Variants in TAOK1 observed in about 807,000 individuals in gnomAD.
The protein encoded by TAOK1 is TAO kinase 1, also known as serine/threonine-protein kinase TAO1.
In TAOK1, 21 loss-of-function variants were observed where a neutral mutation model predicts 138.3. That is an observed-to-expected ratio of 0.15 (90% CI 0.11 to 0.22). The LOEUF (loss-of-function observed/expected upper bound fraction) is 0.22. Ranked by LOEUF, TAOK1 falls within the 10% of genes least tolerant of loss-of-function variation. The probability of loss-of-function intolerance (pLI) is 1.00; values close to 1 mark genes in which losing one functional copy is unlikely to be tolerated. For synonymous variants in TAOK1, 361 were observed against 398.4 expected, an observed-to-expected ratio of 0.91 and a Z score of 1.12; for missense variants, 651 against 1,227.7, an observed-to-expected ratio of 0.53 and a Z score of 7.02.
At chr17:29,434,389 A>G (rs1256786911) in intron 1 of TAOK1, among the ~76,000 whole-genome samples, 1 of 152,164 alleles carries the variant, frequency 6.6e-6, no homozygotes, top group Non-Finnish European at 1.5e-5. Flanking sequence ...TGAAAGGGGT[A>G]CAGATTGAAG....
intron 16 of TAOK1, among the ~76,000 whole-genome samples, chr17:29,521,262 T>C: frequency 6.6e-6 from 1 of 152,174 alleles, no homozygotes; most frequent in East Asian, 1.9e-4. Context: ...AGTTTGACTT[T>C]TACATTATAT....
rs1009166097 is a variant in TAOK1 at position 29,548,316 on chromosome 17, C to A, written c.*5294C>A. The stretch of plus-strand genomic sequence containing the variant: ...AGATATCCTTTAAAGAAAATAAAGG[C>A]AGAGAATTAAAACTGGGGAGCCATT... On this transcript the variant is annotated 3_prime_UTR_variant, in exon 20 of 20. Coordinates refer to ENST00000261716, the MANE Select transcript of TAOK1 (RefSeq NM_020791.4). 1 of 152,070 alleles carries A rather than the reference C, an allele frequency of 6.6e-6. No homozygotes were observed. Among genetic ancestry groups the A allele is most frequent in the African/African-American group, 2.4e-5 (1 of 41,434 alleles). 9.4% of individuals were successfully genotyped at this position (152,070 alleles called of 1,614,324 possible).
intron 13 of TAOK1, among the ~76,000 whole-genome samples, chr17:29,507,256 T>C: frequency 6.6e-6 from 1 of 151,856 alleles, no homozygotes; most frequent in East Asian, 1.9e-4. Flanking sequence ...GATTTTTAAA[T>C]TGAGGTTTTT....
rs533803281 is a variant in TAOK1 at position 29,479,198 on chromosome 17, G to C, written c.449+851G>C. On this transcript the variant is annotated intron_variant, in intron 6 of 19. Transcript: ENST00000261716. ...AAGACTCCTTATGCTTTTGAGCTGTGGTCCTTGATAATCCTTGATAATGGA... is the reference window on the plus strand; with the variant it reads ...AAGACTCCTTATGCTTTTGAGCTGTCGTCCTTGATAATCCTTGATAATGGA... 3.3e-5 allele frequency among the ~76,000 whole-genome samples: 5 copies of C among 151,764 alleles called. No homozygotes were observed. The South Asian group carries it at 6.2e-4, about 19-fold the overall frequency.
chr17:29,496,633 T>G (rs1228472189), intron 11 of TAOK1, among the ~76,000 whole-genome samples: 27 of 143,900 alleles, frequency 1.9e-4, no homozygotes, highest in South Asian at 1.4e-3. Context: ...TGTAGCCCAG[T>G]TTGGAGTACA....
chr17:29,397,459 C>T (rs528752313), intron 1 of TAOK1, among the ~76,000 whole-genome samples: 73 of 151,046 alleles, frequency 4.8e-4, no homozygotes, highest in Non-Finnish European at 7.8e-4. Context: ...AAAAATTAGC[C>T]GGGCATGGTG....
At position 29,475,407 on chromosome 17, in the gene TAOK1, GT is replaced by G. The variant is rs1268310723; in HGVS notation, c.205-262del. ...ATAGAAAAATTAGATGAGCATGGTG[GT>G]GTGCGCCTGTAGACCCAAATACTTG... On this transcript the variant is annotated intron_variant, in intron 3 of 19. Transcript: ENST00000261716. Among the ~76,000 whole-genome samples, 7 of 152,220 alleles carry G rather than the reference GT, an allele frequency of 4.6e-5. No individual in the cohort carries two copies. The East Asian group carries it at 1.4e-3, about 29-fold the overall frequency.
intron 1 of TAOK1, among the ~76,000 whole-genome samples, chr17:29,410,932 G>A (rs1456992591): frequency 6.6e-6 from 1 of 151,850 alleles, no homozygotes; most frequent in Non-Finnish European, 1.5e-5. Flanking sequence ...ACTGCACTCG[G>A]CCAGCTAGTA....
rs1335437131 is a variant in TAOK1 at position 29,530,640 on chromosome 17, G to A, written c.2361+21G>A. 3 of 1,606,994 alleles carry A rather than the reference G, an allele frequency of 1.9e-6. No homozygotes were observed. In the Admixed American group the frequency reaches 5.0e-5, roughly 27 times the overall value. On this transcript the variant is annotated intron_variant, in intron 18 of 19. Transcript: ENST00000261716. ...AAGCCGTGAGTTTGCTTTTTTTGGG[G>A]CAAAACAAATTTAGTGCCCCTTTTC...
chr17:29,422,713 T>C (rs117128423), intron 1 of TAOK1, among the ~76,000 whole-genome samples: 401 of 152,342 alleles, frequency 2.6e-3, no homozygotes, highest in Middle Eastern at 0.01. Flanking sequence ...TTGGCATTAG[T>C]TTGTCTACAG....
intron 3 of TAOK1, among the ~76,000 whole-genome samples, chr17:29,473,980 C>T (rs1488372384): frequency 6.6e-6 from 1 of 152,138 alleles, no homozygotes; most frequent in African/African-American, 2.4e-5. Context: ...GATCTGTCCG[C>T]CTTGGTCTCC....
chr17:29,426,096 G>A (rs1459649088), intron 1 of TAOK1, among the ~76,000 whole-genome samples: 1 of 152,122 alleles, frequency 6.6e-6, no homozygotes, highest in Non-Finnish European at 1.5e-5. Context: ...TAGCCAGGAT[G>A]GTCTCGATCT....
chr17:29,464,684 A>T (rs1280384115), intron 2 of TAOK1, among the ~76,000 whole-genome samples: 1 of 152,142 alleles, frequency 6.6e-6, no homozygotes, highest in Non-Finnish European at 1.5e-5. Context: ...ATCTAACAAG[A>T]CTTATGTGGC....
chr17:29,391,246 A>G (rs1002330855), intron 1 of TAOK1, among the ~76,000 whole-genome samples: 2 of 152,022 alleles, frequency 1.3e-5, no homozygotes, highest in East Asian at 3.9e-4. Context: ...GGGTCACCGG[A>G]AGGGGTGGTG....
rs764456183 is a variant in TAOK1 at position 29,522,388 on chromosome 17, A to G, written c.2017A>G (p.Met673Val). ...CCGCCACCTCAACACAATTCAGAAGATGCGCTGTGAGTTGATCAGATTACA... is the reference window on the plus strand; with the variant it reads ...CCGCCACCTCAACACAATTCAGAAGGTGCGCTGTGAGTTGATCAGATTACA... Reference protein sequence around the residue: ...EFRHLNTIQKMRCELIRLQHQ... With the variant: ...EFRHLNTIQKVRCELIRLQHQ... The change falls in exon 17 of 20, where the codon ATG (methionine) becomes GTG (valine). Residue 673 changes from methionine to valine, a missense_variant. Around this residue, in one of 8 missense-constraint regions of TAOK1, gnomAD observed 258 missense variants for 548.9 expected, o/e 0.47. Transcript: ENST00000261716. 8.7e-6 allele frequency: 14 copies of G among 1,614,084 alleles called. No individual in the cohort carries two copies. Among genetic ancestry groups the G allele is most frequent in the African/African-American group, 1.3e-5 (1 of 74,936 alleles).
chr17:29,442,534 T>G (rs1264903710), intron 1 of TAOK1, among the ~76,000 whole-genome samples: 3 of 152,138 alleles, frequency 2.0e-5, no homozygotes, highest in Non-Finnish European at 4.4e-5. Context: ...GTAGAATGCT[T>G]TATGTATTGT....
intron 19 of TAOK1, among the ~76,000 whole-genome samples, chr17:29,534,927 A>AGG (rs3220394): frequency 7.1e-4 from 91 of 128,470 alleles, no homozygotes; most frequent in Non-Finnish European, 1.2e-3. Flanking sequence ...CAGGATACTA[A>AGG]GGTGTGTGTG....
intron 8 of TAOK1, among the ~76,000 whole-genome samples, chr17:29,488,204 T>C (rs2031212088): frequency 6.6e-6 from 1 of 152,212 alleles, no homozygotes; most frequent in African/African-American, 2.4e-5. Flanking sequence ...TCCTACCATA[T>C]ACTTTGAATA....
At chr17:29,409,357 T>C (rs1905087366) in intron 1 of TAOK1, among the ~76,000 whole-genome samples, 1 of 128,750 alleles carries the variant, frequency 7.8e-6, no homozygotes, top group African/African-American at 2.9e-5. Flanking sequence ...TTTTTTGAGA[T>C]GGAGTCTCAC....
Sources: gnomAD v4.1 joint callset for allele counts (sites outside exome capture counted in the v4.1 genomes callset) on GRCh38, gnomAD v4.1.1 for gene constraint, gnomAD v4.1.1 regional missense constraint, MANE v1.5 for transcripts, NCBI Gene and HGNC (gene_info 2026-07-23, HGNC 2026-07-21) for gene names.